Variants in PCDHGA3 observed in about 807,000 individuals in gnomAD.
PCDHGA3 encodes protocadherin gamma subfamily A, 3, also known as protocadherin gamma-A3.
A neutral mutation model predicts 58.5 loss-of-function variants in PCDHGA3; 40 were observed. The observed-to-expected ratio is 0.68, with a 90% confidence interval of 0.53 to 0.89. The LOEUF (loss-of-function observed/expected upper bound fraction) is 0.89. PCDHGA3 is among the 40% of genes least tolerant of loss of function. The pLI is 0.00. For missense variants in PCDHGA3, 1,223 were observed against 1,195.9 expected (o/e 1.02, Z -0.33); for synonymous variants, 530 against 525.7 (o/e 1.01, Z -0.11).
At chr5:141,399,415 T>C in intron 1 of PCDHGA3, 1 of 1,613,974 alleles carries the variant, frequency 6.2e-7, no homozygotes, top group Non-Finnish European at 8.5e-7. Context: ...GCCCCTCTCC[T>C]CCAGCATAAG....
intron 1 of PCDHGA3, among the ~76,000 whole-genome samples, chr5:141,471,692 C>A (rs1293253544): frequency 6.6e-6 from 1 of 152,118 alleles, no homozygotes; most frequent in African/African-American, 2.4e-5. Context: ...TTCTGAAATT[C>A]TGGCTGGAAT....
intron 1 of PCDHGA3, among the ~76,000 whole-genome samples, chr5:141,381,049 T>C (rs1384350654): frequency 2.0e-5 from 3 of 152,252 alleles, no homozygotes; most frequent in Admixed American, 2.0e-4. Context: ...TTATCTACTT[T>C]GTGAATGCAA....
intron 1 of PCDHGA3, among the ~76,000 whole-genome samples, chr5:141,448,180 G>C (rs961721974): frequency 1.3e-5 from 2 of 151,998 alleles, no homozygotes; most frequent in African/African-American, 2.4e-5. Flanking sequence ...TTCATCCCTG[G>C]TTATGTACAC....
intron 1 of PCDHGA3, chr5:141,382,993 C>A (rs762865747): frequency 6.2e-7 from 1 of 1,613,660 alleles, no homozygotes; most frequent in South Asian, 1.1e-5. Context: ...AGGACGTATT[C>A]TCTACTCCGT....
chr5:141,500,182 A>ATTTT lies in PCDHGA3; in HGVS notation c.2484-5209_2484-5206dup, dbSNP rs1199992745. Among the ~76,000 whole-genome samples the ATTTT allele has an allele frequency of 1.7e-3, 223 of 131,716 alleles. 2 individuals are homozygous for ATTTT. Among genetic ancestry groups the ATTTT allele is most frequent in the African/African-American group, 6.2e-3 (201 of 32,350 alleles). The allele number at this position is 131,716 out of a possible 152,430, so 86.4% of individuals were successfully genotyped here. On this transcript the variant is annotated intron_variant, in intron 2 of 3. Transcript: ENST00000253812. ...AAGAACATGCATGAGCTTCATTTTT[A>ATTTT]TTTTTATTTATTTATTTATTTATTT...
rs1376914747 is a variant in PCDHGA3, at chr5:141,432,008, A to T, written c.2425-62799A>T. On this transcript the variant is annotated intron_variant, in intron 1 of 3. Coordinates refer to ENST00000253812, the MANE Select transcript of PCDHGA3 (RefSeq NM_018916.4). This position sits in a 1 kb window ranked among gnomAD's most constrained non-coding sequence, Gnocchi z 6.0. ...AGTCTTGGATAGGGAACAGGTTCCT[A>T]GCTACAACATCACAGTGACCGCCAC... 1 of 1,614,200 alleles carries T rather than the reference A, an allele frequency of 6.2e-7. No homozygotes were observed. The highest frequency in any genetic ancestry group is 2.2e-5 in the East Asian group (1 of 44,888).
intron 1 of PCDHGA3, chr5:141,352,174 G>T (rs762320091): frequency 4.3e-6 from 7 of 1,613,660 alleles, no homozygotes; most frequent in Non-Finnish European, 5.1e-6. Context: ...GCCAGCGCCT[G>T]CTGGTCGCTG....
Position 141,376,087 on chromosome 5 carries a change from C to G in PCDHGA3, c.2424+29630C>G, listed in dbSNP as rs1772268954. On this transcript the variant is annotated intron_variant, in intron 1 of 3. Coordinates refer to ENST00000253812, the MANE Select transcript of PCDHGA3 (RefSeq NM_018916.4). The stretch of plus-strand genomic sequence containing the variant: ...TCACCGTGGCCGTGGCCGACAGGAT[C>G]CCCGACATCCTGGCCGACCTGGGCA... 1 of 1,613,538 alleles carries G rather than the reference C, an allele frequency of 6.2e-7. No individual in the cohort carries two copies. The highest frequency in any genetic ancestry group is 8.5e-7 in the Non-Finnish European group (1 of 1,179,934).
chr5:141,378,083 A>G (rs1774605949), intron 1 of PCDHGA3: 2 of 152,174 alleles, frequency 1.3e-5, no homozygotes, highest in South Asian at 4.1e-4. Context: ...TAATTTTATA[A>G]CTTTTTTTCA....
chr5:141,351,964 C>T (rs1422191301), intron 1 of PCDHGA3: 9 of 1,612,616 alleles, frequency 5.6e-6, no homozygotes, highest in Admixed American at 1.7e-5. Flanking sequence ...CTGATGGCTC[C>T]GCCCTCTTCG....
intron 1 of PCDHGA3, chr5:141,421,690 C>T: frequency 6.2e-7 from 1 of 1,613,948 alleles, no homozygotes. Context: ...GCGATTTGCT[C>T]TTCCTAATGC....
intron 1 of PCDHGA3, chr5:141,424,024 C>T: frequency 9.6e-7 from 1 of 1,045,488 alleles, no homozygotes; most frequent in Non-Finnish European, 1.2e-6. Flanking sequence ...GATTCACAAA[C>T]ACTTTTTATT....
rs1182631562 is a variant in PCDHGA3 at position 141,345,356 on chromosome 5, T to C, written c.1323T>C (p.His441=). 5.0e-6 allele frequency: 8 copies of C among 1,613,980 alleles called. No individual in the cohort carries two copies. In the Admixed American group the frequency reaches 8.3e-5, roughly 17 times the overall value. ...PLSTETHITL[H]VIDINDNPPT... ...CCACAGAAACTCACATCACCCTGCA[T>C]GTGATTGACATCAATGACAACCCAC... The change falls in exon 1 of 4, where the codon CAT becomes CAC. Residue 441 remains histidine (H), a synonymous_variant. Transcript: ENST00000253812.
chr5:141,430,865 C>A, intron 1 of PCDHGA3: 2 of 1,595,350 alleles, frequency 1.3e-6, no homozygotes, highest in Non-Finnish European at 1.7e-6. Flanking sequence ...CTATTCAGTT[C>A]CGGAAGAGCT....
intron 1 of PCDHGA3, chr5:141,394,883 A>G (rs370442493): frequency 1.2e-6 from 2 of 1,611,604 alleles, no homozygotes; most frequent in African/African-American, 2.7e-5. Context: ...CGAGCCTTAC[A>G]CTCTATCTCG....
rs754836894 is a variant in PCDHGA3, at chr5:141,432,969, C to A, written c.2425-61838C>A. 6.2e-7 allele frequency: 1 copy of A among 1,614,148 alleles called. No individual in the cohort carries two copies. Among genetic ancestry groups the A allele is most frequent in the East Asian group, 2.2e-5 (1 of 44,852 alleles). ...GGAGGCGGCTTGACAGGAGCGCCGG[C>A]GTCGCACTTTGTGGGCGTGGACGGG... is the stretch of plus-strand genomic sequence containing the variant. On this transcript the variant is annotated intron_variant, in intron 1 of 3. Coordinates refer to ENST00000253812, the MANE Select transcript of PCDHGA3 (RefSeq NM_018916.4). This position sits in a 1 kb window ranked among gnomAD's most constrained non-coding sequence, Gnocchi z 6.0.
rs70988802 is a variant in PCDHGA3 at position 141,450,006 on chromosome 5, C to CTATTTTTTTT, written c.2425-44800_2425-44799insATTTTTTTTT. ...CACATTGCATTTAGTTGCCATGTCTCTTTTTTTTTTTTTTTTTTGAGACAG... is the reference window on the plus strand; with the variant it reads ...CACATTGCATTTAGTTGCCATGTCTCTATTTTTTTTTTTTTTTTTTTTTTTTTTGAGACAG... On this transcript the variant is annotated intron_variant, in intron 1 of 3. Transcript: ENST00000253812. Among the ~76,000 whole-genome samples the CTATTTTTTTT allele has an allele frequency of 3.0e-5, 4 of 132,980 alleles. 1 individual carries two copies. The highest frequency in any genetic ancestry group is 5.6e-5 in the African/African-American group (2 of 35,572). 87.2% of individuals were successfully genotyped at this position (132,980 alleles called of 152,430 possible). A position where few individuals can be genotyped will look rare whatever the true frequency, so the allele number is the denominator to read the frequency against.
At chr5:141,414,143 T>C (rs887054185) in intron 1 of PCDHGA3, 1 of 1,597,122 alleles carries the variant, frequency 6.3e-7, no homozygotes, top group Non-Finnish European at 8.5e-7. Flanking sequence ...GAAATAGAAA[T>C]ACAAGCAGAA....
chr5:141,491,537 C>T lies in PCDHGA3; in HGVS notation c.2425-3270C>T, dbSNP rs1330469043. The T allele has an allele frequency of 3.1e-6, 5 of 1,613,908 alleles. No homozygotes were observed. The highest frequency in any genetic ancestry group is 4.2e-6 in the Non-Finnish European group (5 of 1,180,020). On this transcript the variant is annotated intron_variant, in intron 1 of 3. Transcript: ENST00000253812. This position sits in a 1 kb window ranked among gnomAD's most constrained non-coding sequence, Gnocchi z 6.9. ...AAGTACATGGAGGTGACGCTGCGGC[C>T]CACAGACTCGCAGAGCCACTGCTAC...
Sources: gnomAD v4.1 joint callset for allele counts (sites outside exome capture counted in the v4.1 genomes callset) on GRCh38, gnomAD v4.1.1 for gene constraint, Gnocchi (gnomAD v3.1) non-coding constraint, MANE v1.5 for transcripts, NCBI Gene and HGNC (gene_info 2026-07-23, HGNC 2026-07-21) for gene names.